Variants in LOC128462377 observed in about 807,000 individuals in gnomAD.
chr16:89,405,253 G>A, the LOC128462377 span, among the ~76,000 whole-genome samples: 3 of 152,130 alleles, frequency 2.0e-5, no homozygotes, highest in Non-Finnish European at 2.9e-5. Context: ...GGTCTGTTGT[G>A]GAACAAAATG....
the LOC128462377 span, among the ~76,000 whole-genome samples, chr16:89,329,310 C>T: frequency 6.6e-6 from 1 of 152,254 alleles, no homozygotes; most frequent in South Asian, 2.1e-4. Flanking sequence ...GTCATGTTCC[C>T]GGCCACTGGG....
At chr16:89,339,823 G>A in the LOC128462377 span, 5 of 152,104 alleles carry the variant, frequency 3.3e-5, no homozygotes, top group African/African-American at 1.2e-4. Context: ...CCTCAGCGTC[G>A]ATCTGATTTT....
the LOC128462377 span, chr16:89,396,113 C>T: frequency 6.6e-6 from 1 of 152,232 alleles, no homozygotes; most frequent in Non-Finnish European, 1.5e-5. Context: ...ACCTCAACAA[C>T]TTGTTGTCAA....
the LOC128462377 span, among the ~76,000 whole-genome samples, chr16:89,388,293 ATTTTTTT>A: frequency 2.4e-3 from 202 of 85,300 alleles, 1 homozygote; most frequent in Middle Eastern, 0.03. Flanking sequence ...CATGAGGCTG[ATTTTTTT>A]TTTTTTTTTT....
the LOC128462377 span, among the ~76,000 whole-genome samples, chr16:89,341,709 G>C: frequency 2.6e-4 from 39 of 152,230 alleles, no homozygotes; most frequent in Admixed American, 7.2e-4. Flanking sequence ...TCTGCATAAT[G>C]ATATACCTAC....
the LOC128462377 span, among the ~76,000 whole-genome samples, chr16:89,409,708 A>G: frequency 1.5e-4 from 23 of 152,344 alleles, no homozygotes; most frequent in African/African-American, 5.3e-4. Flanking sequence ...CCATTACAAC[A>G]CTGAAGTTTA....
chr16:89,404,368 A>T, the LOC128462377 span, among the ~76,000 whole-genome samples: 1 of 152,240 alleles, frequency 6.6e-6, no homozygotes, highest in African/African-American at 2.4e-5. Flanking sequence ...ATCAAAGGGC[A>T]TGAAAAAAAT....
the LOC128462377 span, among the ~76,000 whole-genome samples, chr16:89,377,157 G>A: frequency 1.3e-5 from 2 of 152,184 alleles, no homozygotes; most frequent in South Asian, 2.1e-4. Flanking sequence ...AGGCGTCAAC[G>A]TGGTCTTCCT....
At chr16:89,337,052 G>A in the LOC128462377 span, among the ~76,000 whole-genome samples, 1 of 150,480 alleles carries the variant, frequency 6.6e-6, no homozygotes, top group African/African-American at 2.4e-5. Context: ...CAGGTGTGGT[G>A]GTGCACACCT....
the LOC128462377 span, among the ~76,000 whole-genome samples, chr16:89,393,189 T>G: frequency 6.6e-6 from 1 of 152,134 alleles, no homozygotes; most frequent in Non-Finnish European, 1.5e-5. Flanking sequence ...ATAAATACCT[T>G]GAGAGCACGA....
chr16:89,371,515 C>T, the LOC128462377 span, among the ~76,000 whole-genome samples: 2 of 152,130 alleles, frequency 1.3e-5, no homozygotes, highest in African/African-American at 2.4e-5. Flanking sequence ...AGTCTGTGCA[C>T]CACCCACAGA....
At chr16:89,322,976 TG>T in the LOC128462377 span, 1 of 263,324 alleles carries the variant, frequency 3.8e-6, no homozygotes, top group South Asian at 3.5e-5. Context: ...CCCAAGTAGC[TG>T]GGAGTACAGG....
At chr16:89,319,675 G>A in the LOC128462377 span, among the ~76,000 whole-genome samples, 1 of 152,370 alleles carries the variant, frequency 6.6e-6, no homozygotes. Flanking sequence ...GGTGACAGCT[G>A]AGATGTCCTG....
the LOC128462377 span, among the ~76,000 whole-genome samples, chr16:89,383,471 T>C: frequency 6.6e-6 from 1 of 152,198 alleles, no homozygotes; most frequent in Non-Finnish European, 1.5e-5. Flanking sequence ...ATGGGCTCAT[T>C]TCTGTCTCAT....
chr16:89,405,898 A>C, the LOC128462377 span, among the ~76,000 whole-genome samples: 3 of 152,056 alleles, frequency 2.0e-5, no homozygotes, highest in Non-Finnish European at 2.9e-5. Context: ...TCACCTGAGG[A>C]CAGGAGTTCG....
the LOC128462377 span, among the ~76,000 whole-genome samples, chr16:89,416,001 C>CATG: frequency 6.6e-6 from 1 of 151,982 alleles, no homozygotes; most frequent in Non-Finnish European, 1.5e-5. Flanking sequence ...CCACAACAGA[C>CATG]CTCATGCTAA....
the LOC128462377 span, among the ~76,000 whole-genome samples, chr16:89,349,001 A>G: frequency 6.6e-6 from 1 of 151,380 alleles, no homozygotes; most frequent in East Asian, 1.9e-4. Context: ...AGTAGAGCGC[A>G]CTTGTAATCC....
At chr16:89,413,189 T>A in the LOC128462377 span, among the ~76,000 whole-genome samples, 1 of 152,222 alleles carries the variant, frequency 6.6e-6, no homozygotes, top group South Asian at 2.1e-4. Context: ...TAGCCACAGA[T>A]AATTCCTCAG....
chr16:89,329,258 G>T, the LOC128462377 span, among the ~76,000 whole-genome samples: 4 of 152,348 alleles, frequency 2.6e-5, no homozygotes, highest in African/African-American at 9.6e-5. Context: ...TAAGACGGGG[G>T]ATCTGAATCA....
Sources: gnomAD v4.1 joint callset for allele counts (sites outside exome capture counted in the v4.1 genomes callset) on GRCh38, gnomAD v4.1.1 for gene constraint, MANE v1.5 for transcripts.